Variants in DAW1 observed in about 807,000 individuals in gnomAD.
DAW1 encodes dynein assembly factor with WD repeat domains 1.
DAW1 carries 47 observed loss-of-function variants against 56.5 expected under a neutral mutation model. The ratio of observed to expected loss-of-function variants is 0.83; its 90% CI spans 0.66 to 1.06. The LOEUF (loss-of-function observed/expected upper bound fraction) is 1.06. Among genes scored for constraint, DAW1 ranks in the 50% least tolerant of loss-of-function variants. The pLI is 0.00. For missense variants in DAW1, 505 were observed against 499.3 expected, an observed-to-expected ratio of 1.01 and a Z score of -0.11; for synonymous variants, 190 against 179.0, an observed-to-expected ratio of 1.06 and a Z score of -0.49.
intron 6 of DAW1, among the ~76,000 whole-genome samples, chr2:227,900,548 G>A (rs1173603156): frequency 1.3e-5 from 2 of 152,172 alleles, no homozygotes; most frequent in African/African-American, 4.8e-5. Context: ...CACAGAGGGA[G>A]CAGTGTGGCC....
At chr2:227,905,714 T>C (rs1194339377) in intron 8 of DAW1, among the ~76,000 whole-genome samples, 1 of 152,242 alleles carries the variant, frequency 6.6e-6, no homozygotes, top group Non-Finnish European at 1.5e-5. Flanking sequence ...ATTTTGATAG[T>C]TTAAAATCTA....
intron 10 of DAW1, chr2:227,912,607 C>A: frequency 8.7e-7 from 1 of 1,144,074 alleles, no homozygotes; most frequent in African/African-American, 1.6e-5. Flanking sequence ...ACCGCCTATT[C>A]TGCTTCATTT....
chr2:227,880,304 A>G (rs1014973042), intron 1 of DAW1, among the ~76,000 whole-genome samples: 3 of 151,608 alleles, frequency 2.0e-5, no homozygotes, highest in Non-Finnish European at 4.4e-5. Flanking sequence ...CATGTGGCAT[A>G]CAGCTAGGTT....
intron 10 of DAW1, among the ~76,000 whole-genome samples, chr2:227,917,422 G>T (rs1249936793): frequency 6.6e-6 from 1 of 151,842 alleles, no homozygotes; most frequent in Non-Finnish European, 1.5e-5. Flanking sequence ...CACCGCACCC[G>T]GCTAATTTGT....
intron 1 of DAW1, among the ~76,000 whole-genome samples, chr2:227,873,443 A>G (rs1396276831): frequency 1.3e-5 from 2 of 152,182 alleles, no homozygotes; most frequent in African/African-American, 4.8e-5. Flanking sequence ...TTGTTGAATG[A>G]ATGTATGGAT....
chr2:227,901,593 AAAAC>A (rs1691548037), intron 6 of DAW1, among the ~76,000 whole-genome samples: 1 of 152,204 alleles, frequency 6.6e-6, no homozygotes, highest in Non-Finnish European at 1.5e-5. Flanking sequence ...AGAAAAAAGA[AAAAC>A]AAGAAGAAAG....
At chr2:227,895,038 T>G (rs1432780854) in intron 5 of DAW1, among the ~76,000 whole-genome samples, 1 of 152,218 alleles carries the variant, frequency 6.6e-6, no homozygotes, top group Non-Finnish European at 1.5e-5. Flanking sequence ...GAAAAATTGT[T>G]TCACAACTAA....
intron 4 of DAW1, among the ~76,000 whole-genome samples, chr2:227,892,404 G>C (rs151101204): frequency 6.6e-6 from 1 of 152,164 alleles, no homozygotes; most frequent in Non-Finnish European, 1.5e-5. Flanking sequence ...AAAGTGCTGA[G>C]ATTACAGGCG....
chr2:227,892,712 A>T (rs149859667), intron 4 of DAW1, among the ~76,000 whole-genome samples: 1 of 152,190 alleles, frequency 6.6e-6, no homozygotes, highest in African/African-American at 2.4e-5. Context: ...GAGTTTCGCT[A>T]TTAGACTTTT....
chr2:227,905,002 AT>A lies in DAW1; in HGVS notation c.723del (p.His241GlnfsTer4). On this transcript the variant is annotated frameshift_variant, in exon 8 of 13. Transcript: ENST00000309931. LOFTEE classifies it high-confidence loss of function. ...GDRIITGSFD[H>X]TVVVWDADTG... ...AGAATCATCACGGGGTCTTTTGATC[AT>A]ACCGTTGTAGTGTGGGACGCTGATA... The A allele has an allele frequency of 1.2e-6, 2 of 1,613,734 alleles. No individual in the cohort carries two copies. The highest frequency in any genetic ancestry group is 1.7e-6 in the Non-Finnish European group (2 of 1,179,730).
chr2:227,879,525 C>T (rs1216809975), intron 1 of DAW1, among the ~76,000 whole-genome samples: 1 of 151,892 alleles, frequency 6.6e-6, no homozygotes, highest in Admixed American at 6.6e-5. Flanking sequence ...TTTTATTGTA[C>T]AGAAGCTTAT....
rs377288815 is a variant in DAW1, at chr2:227,918,864, G to A, written c.1050+8G>A. ...GAAGGTGAAATTTCAAAGGTGAGTC[G>A]CTTTCTCATTTGGAGGAGTTTATTT... On this transcript the variant is annotated splice_region_variant and intron_variant, in intron 11 of 12. Transcript: ENST00000309931. The A allele has an allele frequency of 1.2e-5, 19 of 1,613,698 alleles. No homozygotes were observed. Among genetic ancestry groups the A allele is most frequent in the African/African-American group, 8.0e-5 (6 of 74,962 alleles).
chr2:227,873,940 C>T (rs1334627589), intron 1 of DAW1, among the ~76,000 whole-genome samples: 2 of 152,158 alleles, frequency 1.3e-5, no homozygotes, highest in African/African-American at 4.8e-5. Context: ...CTTGGACTCC[C>T]AAAGTGCTGG....
chr2:227,914,824 C>T (rs768017185), intron 10 of DAW1, among the ~76,000 whole-genome samples: 1 of 152,028 alleles, frequency 6.6e-6, no homozygotes, highest in Non-Finnish European at 1.5e-5. Flanking sequence ...TAGATAATGT[C>T]GTACTAATAT....
At chr2:227,882,267 A>G (rs1256458644) in intron 1 of DAW1, among the ~76,000 whole-genome samples, 3 of 152,210 alleles carry the variant, frequency 2.0e-5, no homozygotes, top group Non-Finnish European at 1.5e-5. Flanking sequence ...TTTTCATAAT[A>G]ACAATAAGAT....
chr2:227,903,100 C>A lies in DAW1; in HGVS notation c.639C>A (p.Tyr213Ter). The A allele has an allele frequency of 6.2e-7, 1 of 1,613,972 alleles. No individual in the cohort carries two copies. The highest frequency in any genetic ancestry group is 8.5e-7 in the Non-Finnish European group (1 of 1,179,876). The change falls in exon 7 of 13, where the codon TAC becomes TAA. Residue 213 changes from tyrosine to a stop codon, truncating the protein, a stop_gained. Coordinates refer to ENST00000309931, the MANE Select transcript of DAW1 (RefSeq NM_178821.3). LOFTEE classifies it high-confidence loss of function. Reference protein sequence around the residue: ...LWDIQNGEEVYTLRGHSAEII... With the variant: ...LWDIQNGEEV ...ACATTCAGAATGGCGAGGAAGTTTACACCTTAAGAGTATGTCAATAATGTT... is the reference window on the plus strand; with the variant it reads ...ACATTCAGAATGGCGAGGAAGTTTAAACCTTAAGAGTATGTCAATAATGTT...
intron 1 of DAW1, among the ~76,000 whole-genome samples, chr2:227,883,370 A>G (rs1691053666): frequency 6.6e-6 from 1 of 152,240 alleles, no homozygotes; most frequent in South Asian, 2.1e-4. Flanking sequence ...CAACAGTTAC[A>G]ATATATGCAT....
At chr2:227,899,245 T>G (rs953922714) in intron 6 of DAW1, among the ~76,000 whole-genome samples, 2 of 152,220 alleles carry the variant, frequency 1.3e-5, no homozygotes, top group African/African-American at 4.8e-5. Context: ...AATCCCCAAG[T>G]TATGTTTTGG....
intron 9 of DAW1, 133 bp downstream of exon 9, chr2:227,906,471 T>C (rs951770542): frequency 3.7e-5 from 26 of 700,894 alleles, no homozygotes; most frequent in Non-Finnish European, 5.1e-5. Context: ...AAATAGTTGG[T>C]AATTTTTAAA....
Sources: gnomAD v4.1 joint callset for allele counts (sites outside exome capture counted in the v4.1 genomes callset) on GRCh38, gnomAD v4.1.1 for gene constraint, MANE v1.5 for transcripts, NCBI Gene and HGNC (gene_info 2026-07-23, HGNC 2026-07-21) for gene names.